SLC24A2: variants seen among roughly 807,000 people sequenced by gnomAD.
The protein encoded by SLC24A2 is solute carrier family 24 member 2.
SLC24A2 carries 36 observed loss-of-function variants against 62.0 expected under a neutral mutation model. That is an observed-to-expected ratio of 0.58 (90% confidence interval 0.44 to 0.77). SLC24A2 has a LOEUF of 0.77. Among genes scored for constraint, SLC24A2 ranks in the 30% least tolerant of loss-of-function variants. SLC24A2 has a pLI of 0.00. For missense variants in SLC24A2, 846 were observed against 817.9 expected (o/e 1.03, Z -0.42); for synonymous variants, 358 against 294.0 (o/e 1.22, Z -2.23).
At chr9:19,815,331 A>T in the SLC24A2 span, among the ~76,000 whole-genome samples, 1 of 152,134 alleles carries the variant, frequency 6.6e-6, no homozygotes, top group East Asian at 1.9e-4. Flanking sequence ...GTTATGGAAG[A>T]TAAAATCTGG....
At chr9:19,531,578 A>G (rs998615990) in intron 8 of SLC24A2, among the ~76,000 whole-genome samples, 5 of 152,184 alleles carry the variant, frequency 3.3e-5, no homozygotes, top group African/African-American at 1.2e-4. Context: ...TTGGAAAAAG[A>G]TGCTGGACAT....
the SLC24A2 span, among the ~76,000 whole-genome samples, chr9:19,803,956 G>A: frequency 1.3e-5 from 2 of 152,040 alleles, no homozygotes; most frequent in Non-Finnish European, 2.9e-5. Context: ...TGAAAAAATG[G>A]CCTTTAGTGA....
At chr9:20,076,526 G>C in the SLC24A2 span, among the ~76,000 whole-genome samples, 28 of 152,146 alleles carry the variant, frequency 1.8e-4, no homozygotes, top group Admixed American at 1.7e-3. Flanking sequence ...CAGAAGCTGG[G>C]AAGAGGCAAG....
At chr9:20,105,264 C>T in the SLC24A2 span, among the ~76,000 whole-genome samples, 1 of 152,102 alleles carries the variant, frequency 6.6e-6, no homozygotes, top group African/African-American at 2.4e-5. Context: ...CTTTAACACC[C>T]CATTGTCAAC....
chr9:19,956,123 T>C, the SLC24A2 span, among the ~76,000 whole-genome samples: 1 of 152,268 alleles, frequency 6.6e-6, no homozygotes, highest in South Asian at 2.1e-4. Context: ...TCAGCAAAGA[T>C]GAGGATTCCC....
chr9:20,229,676 T>C, the SLC24A2 span, among the ~76,000 whole-genome samples: 6 of 152,178 alleles, frequency 3.9e-5, no homozygotes, highest in East Asian at 5.8e-4. Context: ...CATCAAAGCA[T>C]TTATCACAGT....
intron 2 of SLC24A2, among the ~76,000 whole-genome samples, chr9:19,662,237 C>T (rs1193193565): frequency 6.6e-6 from 1 of 152,136 alleles, no homozygotes; most frequent in African/African-American, 2.4e-5. Context: ...AACATGTAAT[C>T]AATAGAAGAA....
intron 7 of SLC24A2, among the ~76,000 whole-genome samples, chr9:19,562,430 G>A (rs1345770477): frequency 1.3e-5 from 2 of 152,044 alleles, no homozygotes; most frequent in African/African-American, 4.8e-5. Flanking sequence ...ATGACAAGTG[G>A]CATTTTTACC....
chr9:19,935,427 TAAG>T, the SLC24A2 span, among the ~76,000 whole-genome samples: 1 of 152,088 alleles, frequency 6.6e-6, no homozygotes, highest in Non-Finnish European at 1.5e-5. Flanking sequence ...ACCCAGCACT[TAAG>T]AGCAGCAGGG....
intron 2 of SLC24A2, among the ~76,000 whole-genome samples, chr9:19,735,363 G>A (rs1821475565): frequency 6.6e-6 from 1 of 151,992 alleles, no homozygotes; most frequent in Non-Finnish European, 1.5e-5. Context: ...AACAACAGGT[G>A]CTGGAGAGGA....
upstream of SLC24A2, among the ~76,000 whole-genome samples, chr9:19,790,256 A>G (rs1823298037): frequency 6.6e-6 from 1 of 152,210 alleles, no homozygotes; most frequent in African/African-American, 2.4e-5. Flanking sequence ...TTAATTTAGA[A>G]AATTTCAAAC....
At chr9:19,636,385 TTCTCCC>T (rs1818351389) in intron 2 of SLC24A2, among the ~76,000 whole-genome samples, 1 of 25,364 alleles carries the variant, frequency 3.9e-5, no homozygotes, top group African/African-American at 1.4e-4. Flanking sequence ...CTTTCTTTCT[TTCTCCC>T]TCTCTCTCTC....
At chr9:19,527,117 G>A (rs1386082206) in intron 9 of SLC24A2, among the ~76,000 whole-genome samples, 1 of 152,076 alleles carries the variant, frequency 6.6e-6, no homozygotes, top group African/African-American at 2.4e-5. Context: ...CATGTTCTCA[G>A]TATATATTTC....
chr9:19,976,815 G>A, the SLC24A2 span, among the ~76,000 whole-genome samples: 2 of 152,122 alleles, frequency 1.3e-5, no homozygotes, highest in Non-Finnish European at 2.9e-5. Flanking sequence ...CATGCTCATT[G>A]GTTCCAGTAT....
chr9:19,703,607 G>A (rs567845385), intron 2 of SLC24A2, among the ~76,000 whole-genome samples: 1 of 152,328 alleles, frequency 6.6e-6, no homozygotes, highest in South Asian at 2.1e-4. Flanking sequence ...AAGACTTTCT[G>A]GAAGAAGCAA....
chr9:19,991,597 A>G, the SLC24A2 span, among the ~76,000 whole-genome samples: 3 of 152,200 alleles, frequency 2.0e-5, no homozygotes, highest in Non-Finnish European at 2.9e-5. Flanking sequence ...GCCTTGAAAC[A>G]TATCTACCAT....
At chr9:19,553,830 G>A (rs1233784143) in intron 7 of SLC24A2, among the ~76,000 whole-genome samples, 1 of 152,208 alleles carries the variant, frequency 6.6e-6, no homozygotes, top group Non-Finnish European at 1.5e-5. Context: ...AAGAATTACT[G>A]CAGTATTTAT....
At chr9:19,604,936 G>C (rs1003878125) in intron 4 of SLC24A2, among the ~76,000 whole-genome samples, 1 of 152,144 alleles carries the variant, frequency 6.6e-6, no homozygotes, top group Non-Finnish European at 1.5e-5. Context: ...AAAGTAGAAT[G>C]TTCATACAAT....
chr9:19,732,866 C>G (rs1444800425), intron 2 of SLC24A2, among the ~76,000 whole-genome samples: 1 of 152,050 alleles, frequency 6.6e-6, no homozygotes, highest in Non-Finnish European at 1.5e-5. Flanking sequence ...AATAATGCAG[C>G]CCCAGTGTAA....
Sources: gnomAD v4.1 joint callset for allele counts (sites outside exome capture counted in the v4.1 genomes callset) on GRCh38, gnomAD v4.1.1 for gene constraint, MANE v1.5 for transcripts, NCBI Gene and HGNC (gene_info 2026-07-23, HGNC 2026-07-21) for gene names.